The following AUTS2 variants were observed in gnomAD, a reference collection of about 807,000 sequenced individuals.
AUTS2 encodes activator of transcription and developmental regulator AUTS2, also known as autism susceptibility gene 2 protein.
AUTS2 carries 17 observed loss-of-function variants against 112.4 expected under a neutral mutation model. The ratio of observed to expected loss-of-function variants is 0.15; its 90% confidence interval spans 0.10 to 0.23. The LOEUF is 0.23. Among genes scored for constraint, AUTS2 ranks in the 10% least tolerant of loss-of-function variants. The probability of loss-of-function intolerance (pLI) is 1.00; values close to 1 mark genes in which losing one functional copy is unlikely to be tolerated. For missense variants in AUTS2, 1,510 were observed against 1,701.6 expected (o/e 0.89, Z 1.98); for synonymous variants, 751 against 702.7 (o/e 1.07, Z -1.09).
At chr7:70,419,079 C>A (rs1283100635) in intron 4 of AUTS2, among the ~76,000 whole-genome samples, 1 of 152,180 alleles carries the variant, frequency 6.6e-6, no homozygotes, top group African/African-American at 2.4e-5. Context: ...CCCAAGGTCA[C>A]TTCAGTTAGG....
At chr7:70,555,681 C>T (rs558781628) in intron 5 of AUTS2, among the ~76,000 whole-genome samples, 35 of 152,134 alleles carry the variant, frequency 2.3e-4, no homozygotes, top group African/African-American at 8.4e-4. Context: ...ATTTTTGCAT[C>T]TCTATAAAGA....
chr7:70,387,851 AT>A, intron 4 of AUTS2, among the ~76,000 whole-genome samples: 1 of 152,298 alleles, frequency 6.6e-6, no homozygotes, highest in East Asian at 1.9e-4. Context: ...ATCTCTGCTC[AT>A]TCCATCTTCT....
rs989028665 is a variant in AUTS2 at position 70,694,949 on chromosome 7, T to C, written c.691-3620T>C. On this transcript the variant is annotated intron_variant, in intron 5 of 18. Coordinates refer to ENST00000342771, the MANE Select transcript of AUTS2 (RefSeq NM_015570.4). The surrounding 1 kb of genome is among the most constrained non-coding windows in gnomAD (Gnocchi z 4.1). ...TTTCTCTTCGTGTGTTTTGGTGGTT[T>C]CCCCCCTGGTCTTTGACGATCGCCC... 9 of 152,328 alleles carry C rather than the reference T, an allele frequency of 5.9e-5. No individual in the cohort carries two copies. The highest frequency in any genetic ancestry group is 1.9e-4 in the East Asian group (1 of 5,138). The allele number at this position is 152,328 out of a possible 1,614,324, so 9.4% of individuals were successfully genotyped here.
At chr7:70,408,053 C>CAAAA (rs1279422141) in intron 4 of AUTS2, among the ~76,000 whole-genome samples, 9 of 58,616 alleles carry the variant, frequency 1.5e-4, no homozygotes, top group African/African-American at 5.9e-4. Flanking sequence ...GACTCCATCT[C>CAAAA]AAAAAAAAAA....
At chr7:69,737,725 A>C (rs376527480) in intron 1 of AUTS2, among the ~76,000 whole-genome samples, 1 of 152,182 alleles carries the variant, frequency 6.6e-6, no homozygotes, top group African/African-American at 2.4e-5. Flanking sequence ...TGTTTTGCTC[A>C]TCCATCCTGT....
chr7:70,696,803 CACTTTAA>C (rs1809137703), intron 5 of AUTS2, among the ~76,000 whole-genome samples: 1 of 152,194 alleles, frequency 6.6e-6, no homozygotes, highest in Non-Finnish European at 1.5e-5. Context: ...CAATTAGAGT[CACTTTAA>C]TAGGTAATCC....
At chr7:70,217,455 G>A (rs893103456) in intron 4 of AUTS2, among the ~76,000 whole-genome samples, 1 of 152,162 alleles carries the variant, frequency 6.6e-6, no homozygotes, top group African/African-American at 2.4e-5. Context: ...AGAGCATGGC[G>A]AATAAAGCTG....
At chr7:70,268,986 GAA>G (rs1329118406) in intron 4 of AUTS2, among the ~76,000 whole-genome samples, 2 of 152,174 alleles carry the variant, frequency 1.3e-5, no homozygotes, top group East Asian at 3.8e-4. Context: ...GAAAATGTTA[GAA>G]TGAAAACCTT....
rs1241517255 is a variant in AUTS2, at chr7:70,303,434, G to GCGCGCGCGCACACACACACA, written c.661-132317_661-132316insGCGCGCGCACACACACACAC. Among the ~76,000 whole-genome samples the GCGCGCGCGCACACACACACA allele has an allele frequency of 1.4e-5, 2 of 141,948 alleles. 1 individual carries two copies. The highest frequency in any genetic ancestry group is 5.3e-5 in the African/African-American group (2 of 37,982). 93.1% of individuals were successfully genotyped at this position (141,948 alleles called of 152,430 possible). ...CACGCACACACACACGCGCGCGCGC[G>GCGCGCGCGCACACACACACA]CACATACACACACACACACACACAC... On this transcript the variant is annotated intron_variant, in intron 4 of 18. Coordinates refer to ENST00000342771, the MANE Select transcript of AUTS2 (RefSeq NM_015570.4).
intron 6 of AUTS2, among the ~76,000 whole-genome samples, chr7:70,717,192 C>T (rs780534527): frequency 1.3e-5 from 2 of 151,800 alleles, no homozygotes; most frequent in Non-Finnish European, 1.5e-5. Context: ...TATATACGTG[C>T]GTGCCACCAC....
chr7:70,751,943 T>C (rs1788890500), intron 6 of AUTS2, among the ~76,000 whole-genome samples: 1 of 152,008 alleles, frequency 6.6e-6, no homozygotes, highest in Non-Finnish European at 1.5e-5. Flanking sequence ...CAGGGTGGTC[T>C]TGAACTCTGG....
At chr7:70,135,300 GAA>G (rs1372998397) in intron 4 of AUTS2, among the ~76,000 whole-genome samples, 1 of 151,870 alleles carries the variant, frequency 6.6e-6, no homozygotes, top group East Asian at 1.9e-4. Context: ...AGATACAAAT[GAA>G]AAAGAGTGAC....
chr7:69,866,718 T>C (rs1282874812), intron 1 of AUTS2, among the ~76,000 whole-genome samples: 11 of 152,216 alleles, frequency 7.2e-5, no homozygotes, highest in Admixed American at 3.9e-4. Flanking sequence ...CAGAAGACGA[T>C]GGTTAGAAAG....
chr7:69,830,637 G>A (rs1013083819), intron 1 of AUTS2, among the ~76,000 whole-genome samples: 7 of 152,278 alleles, frequency 4.6e-5, no homozygotes, highest in Non-Finnish European at 7.4e-5. Context: ...CTGAGGAAGC[G>A]TTTGTTATTT....
intron 2 of AUTS2, among the ~76,000 whole-genome samples, chr7:69,955,935 C>T (rs912510326): frequency 6.6e-6 from 1 of 152,162 alleles, no homozygotes; most frequent in Non-Finnish European, 1.5e-5. Flanking sequence ...ATGTGACGTA[C>T]ATTGTCTAGT....
chr7:69,999,376 A>G (rs956028670), intron 2 of AUTS2, among the ~76,000 whole-genome samples: 19 of 152,158 alleles, frequency 1.2e-4, no homozygotes, highest in African/African-American at 3.9e-4. Flanking sequence ...TGTTTCTGCT[A>G]TCTTACAATG....
At chr7:69,914,157 A>G (rs1334488550) in intron 2 of AUTS2, among the ~76,000 whole-genome samples, 2 of 152,018 alleles carry the variant, frequency 1.3e-5, no homozygotes, top group Non-Finnish European at 2.9e-5. Flanking sequence ...TCCAAGCTCT[A>G]CTGAGGAGAG....
chr7:70,035,998 T>G (rs570420733), intron 2 of AUTS2, among the ~76,000 whole-genome samples: 13 of 152,340 alleles, frequency 8.5e-5, no homozygotes, highest in African/African-American at 3.1e-4. Context: ...AAGTAATACT[T>G]ACAAAATGTG....
chr7:70,485,924 A>G (rs1453641414), intron 5 of AUTS2, among the ~76,000 whole-genome samples: 2 of 152,158 alleles, frequency 1.3e-5, no homozygotes, highest in Non-Finnish European at 2.9e-5. Flanking sequence ...ATTCGACTCT[A>G]CATTGAAAAA....
Sources: gnomAD v4.1 joint callset for allele counts (sites outside exome capture counted in the v4.1 genomes callset) on GRCh38, gnomAD v4.1.1 for gene constraint, Gnocchi (gnomAD v3.1) non-coding constraint, MANE v1.5 for transcripts, NCBI Gene and HGNC (gene_info 2026-07-23, HGNC 2026-07-21) for gene names.